The following AVEN variants were observed in gnomAD, a reference collection of about 807,000 sequenced individuals.
AVEN encodes the protein cell death regulator Aven.
AVEN carries 41 observed loss-of-function variants against 38.1 expected under a neutral mutation model. That is an observed-to-expected ratio of 1.08 (90% confidence interval 0.84 to 1.40). The LOEUF is 1.40. Among genes scored for constraint, AVEN ranks in the 40% most tolerant of loss-of-function variants. AVEN has a pLI of 0.00. For synonymous variants in AVEN, 206 were observed against 171.8 expected (o/e 1.20, Z -1.56); for missense variants, 605 against 438.8 (o/e 1.38, Z -3.38).
At chr15:33,904,672 A>G (rs1057094401) in intron 2 of AVEN, among the ~76,000 whole-genome samples, 1 of 133,046 alleles carries the variant, frequency 7.5e-6, no homozygotes, top group Non-Finnish European at 1.6e-5. Flanking sequence ...CTTGGCCGAG[A>G]CTGTTTCTTT....
intron 2 of AVEN, among the ~76,000 whole-genome samples, chr15:33,974,838 T>C (rs1014635986): frequency 1.3e-5 from 2 of 152,142 alleles, no homozygotes; most frequent in African/African-American, 4.8e-5. Context: ...CCGGGTGTGG[T>C]GGTGCATGCC....
intron 2 of AVEN, among the ~76,000 whole-genome samples, chr15:33,954,475 A>G (rs1894882417): frequency 6.6e-6 from 1 of 152,178 alleles, no homozygotes; most frequent in African/African-American, 2.4e-5. Flanking sequence ...TGCAGCCAGA[A>G]AAAAGGATGA....
In AVEN at chr15:34,038,932, C is replaced by CGCCTCTGGCTACCGCCGCT; in HGVS notation, c.96_114dup (p.Gly39SerfsTer59). 1.6e-5 allele frequency: 18 copies of CGCCTCTGGCTACCGCCGCT among 1,104,820 alleles called. No homozygotes were observed. Among genetic ancestry groups the CGCCTCTGGCTACCGCCGCT allele is most frequent in the Non-Finnish European group, 2.0e-5 (18 of 910,584 alleles). The allele number at this position is 1,104,820 out of a possible 1,614,324, so 68.4% of individuals were successfully genotyped here. A position where few individuals can be genotyped will look rare whatever the true frequency, so the allele number is the denominator to read the frequency against. On this transcript the variant is annotated frameshift_variant, in exon 1 of 6. Transcript: ENST00000306730. LOFTEE classifies it high-confidence loss of function. The stretch of plus-strand genomic sequence containing the variant: ...CCGTCCCCGCCGCCGCCTCCGCCGC[C>CGCCTCTGGCTACCGCCGCT]GCCTCTGGCTACCGCCGCTGCGGCT...
intron 5 of AVEN, among the ~76,000 whole-genome samples, chr15:34,055,686 A>G (rs954046299): frequency 4.6e-5 from 7 of 152,004 alleles, no homozygotes; most frequent in African/African-American, 1.7e-4. Flanking sequence ...CTGTAGCCCC[A>G]GCTACTCAGG....
intron 4 of AVEN, chr15:34,065,795 A>T (rs896511766): frequency 6.6e-6 from 1 of 152,226 alleles, no homozygotes; most frequent in African/African-American, 2.4e-5. Context: ...CACAGCAAGG[A>T]TTTTAAAGAT....
intron 2 of AVEN, among the ~76,000 whole-genome samples, chr15:33,905,733 T>C (rs979299652): frequency 1.3e-5 from 2 of 152,012 alleles, no homozygotes; most frequent in African/African-American, 2.4e-5. Context: ...AGTGGGAGGT[T>C]TGCTTGAGCT....
chr15:33,886,450 G>C (rs1182769679), intron 2 of AVEN, among the ~76,000 whole-genome samples: 1 of 152,134 alleles, frequency 6.6e-6, no homozygotes, highest in Non-Finnish European at 1.5e-5. Flanking sequence ...CTACAGGCAT[G>C]TGCCACCACA....
At chr15:33,871,859 G>C (rs1437314395) in intron 3 of AVEN, among the ~76,000 whole-genome samples, 1 of 151,708 alleles carries the variant, frequency 6.6e-6, no homozygotes, top group Non-Finnish European at 1.5e-5. Flanking sequence ...AGCTGAAGAA[G>C]GCCTTAGATA....
intron 2 of AVEN, among the ~76,000 whole-genome samples, chr15:33,986,163 G>C (rs1275019341): frequency 6.6e-6 from 1 of 151,744 alleles, no homozygotes; most frequent in Non-Finnish European, 1.5e-5. Flanking sequence ...CTGGAGTGCA[G>C]TGGCGCCATC....
intron 1 of AVEN, among the ~76,000 whole-genome samples, chr15:34,020,227 C>T (rs1237895452): frequency 2.6e-5 from 4 of 151,824 alleles, no homozygotes; most frequent in Non-Finnish European, 5.9e-5. Context: ...AGGAGAATGG[C>T]GTGAACCAGG....
intron 1 of AVEN, among the ~76,000 whole-genome samples, chr15:34,024,839 C>T (rs1207649090): frequency 2.0e-5 from 3 of 147,022 alleles, no homozygotes; most frequent in Non-Finnish European, 3.0e-5. Context: ...CCAGCCTGGG[C>T]GACAAAGCAA....
chr15:33,947,276 AAAC>A (rs1894543512), intron 2 of AVEN, among the ~76,000 whole-genome samples: 1 of 152,212 alleles, frequency 6.6e-6, no homozygotes, highest in South Asian at 2.1e-4. Flanking sequence ...GGCAAAAACC[AAAC>A]AACGAATGCT....
intron 5 of AVEN, among the ~76,000 whole-genome samples, chr15:34,054,137 C>G (rs765268837): frequency 6.6e-6 from 1 of 152,176 alleles, no homozygotes; most frequent in Non-Finnish European, 1.5e-5. Flanking sequence ...GATCCCATCT[C>G]ATGCCAGTGA....
At chr15:33,929,237 T>C in intron 2 of AVEN, among the ~76,000 whole-genome samples, 1 of 152,228 alleles carries the variant, frequency 6.6e-6, no homozygotes, top group East Asian at 1.9e-4. Context: ...GGCATTCTGC[T>C]TCCCACACAC....
At chr15:34,050,553 T>A (rs1305939476) in intron 5 of AVEN, among the ~76,000 whole-genome samples, 1 of 151,998 alleles carries the variant, frequency 6.6e-6, no homozygotes, top group Non-Finnish European at 1.5e-5. Flanking sequence ...AGACACAGAA[T>A]GACAAGCTGG....
chr15:33,979,750 G>A (rs537659366), intron 2 of AVEN, among the ~76,000 whole-genome samples: 16 of 152,282 alleles, frequency 1.1e-4, no homozygotes, highest in East Asian at 7.7e-4. Flanking sequence ...AGAGAAGTTC[G>A]TTAGGCATCC....
chr15:33,989,706 T>C (rs935398118), intron 2 of AVEN, among the ~76,000 whole-genome samples: 6 of 152,112 alleles, frequency 3.9e-5, no homozygotes, highest in African/African-American at 1.4e-4. Flanking sequence ...AAATAACCTT[T>C]TATTATCTTT....
At chr15:33,928,161 A>C (rs1454365214) in intron 2 of AVEN, among the ~76,000 whole-genome samples, 1 of 152,264 alleles carries the variant, frequency 6.6e-6, no homozygotes, top group Non-Finnish European at 1.5e-5. Context: ...CTGTTGAGTA[A>C]GGCAGTAAAA....
rs563786423 is a variant in AVEN, at chr15:33,869,818, G to C, written c.612+1117C>G. Among the ~76,000 whole-genome samples the C allele has an allele frequency of 2.2e-3, 325 of 149,674 alleles. 1 individual carries two copies. The highest frequency in any genetic ancestry group is 3.7e-3 in the Non-Finnish European group (248 of 67,786). ...TCTACTTAAAATCAGTACGTCCCAA[G>C]GTTTCACTTTTTTTTTTTTTTTTGA... On this transcript the variant is annotated intron_variant, in intron 4 of 5. Coordinates refer to ENST00000306730, the MANE Select transcript of AVEN (RefSeq NM_020371.3).
Sources: allele counts gnomAD v4.1 joint callset (sites outside exome capture counted in the v4.1 genomes callset), GRCh38; gene constraint gnomAD v4.1.1; transcripts MANE v1.5; gene names NCBI Gene and HGNC (gene_info 2026-07-23, HGNC 2026-07-21).